TNFRSF19: variants seen among roughly 807,000 people sequenced by gnomAD.
TNFRSF19 encodes tumor necrosis factor receptor superfamily member 19.
Under a neutral mutation model 46.4 loss-of-function variants are expected in TNFRSF19, and 27 were observed. That is an observed-to-expected ratio of 0.58 (90% CI 0.43 to 0.80). TNFRSF19 has a LOEUF of 0.80. Among genes scored for constraint, TNFRSF19 ranks in the 30% least tolerant of loss-of-function variants. The pLI, the probability that TNFRSF19 is intolerant of heterozygous loss-of-function variation, is 0.00. For missense variants in TNFRSF19, 511 were observed against 530.8 expected, an observed-to-expected ratio of 0.96 and a Z score of 0.37; for synonymous variants, 204 against 205.0, an observed-to-expected ratio of 1.00 and a Z score of 0.04.
chr13:23,661,382 T>G (rs1884357191), intron 7 of TNFRSF19, among the ~76,000 whole-genome samples: 1 of 152,244 alleles, frequency 6.6e-6, no homozygotes, highest in Non-Finnish European at 1.5e-5. Context: ...TCATCCCTTT[T>G]TATGGCTGCA....
At chr13:23,625,018 C>T (rs1881902607) in intron 4 of TNFRSF19, among the ~76,000 whole-genome samples, 2 of 152,152 alleles carry the variant, frequency 1.3e-5, no homozygotes. Context: ...TCCCAAAGTG[C>T]TGGGATTACA....
intron 1 of TNFRSF19, among the ~76,000 whole-genome samples, chr13:23,572,673 A>G (rs555804148): frequency 2.0e-5 from 3 of 152,190 alleles, no homozygotes; most frequent in African/African-American, 4.8e-5. Context: ...GAATTAATTC[A>G]GTTAATTGTT....
intron 3 of TNFRSF19, 48 bp from the exon 4 acceptor site, chr13:23,615,819 A>G (rs1292367794): frequency 1.3e-6 from 2 of 1,505,038 alleles, no homozygotes; most frequent in East Asian, 4.7e-5. Flanking sequence ...TTTCCTTTTC[A>G]CGCTTGCAAA....
At chr13:23,576,322 G>T (rs1048966553) in intron 1 of TNFRSF19, among the ~76,000 whole-genome samples, 2 of 151,988 alleles carry the variant, frequency 1.3e-5, no homozygotes, top group Admixed American at 1.3e-4. Context: ...TTACAGAGAC[G>T]AGGTTTCGCC....
At chr13:23,642,380 C>A (rs1883081057) in intron 5 of TNFRSF19, among the ~76,000 whole-genome samples, 1 of 152,212 alleles carries the variant, frequency 6.6e-6, no homozygotes. Context: ...ACACTTATGG[C>A]AGTTTACTGT....
chr13:23,584,197 C>T (rs1382573430), intron 1 of TNFRSF19, among the ~76,000 whole-genome samples: 5 of 152,060 alleles, frequency 3.3e-5, no homozygotes, highest in African/African-American at 1.2e-4. Flanking sequence ...ACACTGAACC[C>T]GATTTGTAGC....
intron 5 of TNFRSF19, 132 bp downstream of exon 5, chr13:23,626,924 T>C: frequency 1.3e-6 from 1 of 748,880 alleles, no homozygotes; most frequent in Non-Finnish European, 2.1e-6. Flanking sequence ...TGTGTCCTCT[T>C]TAATCAGGCT....
rs1882050503 is a variant in TNFRSF19, at chr13:23,626,882, A to T, written c.445+90A>T. 6.4e-6 allele frequency: 8 copies of T among 1,247,974 alleles called. No individual in the cohort carries two copies. The Admixed American group carries it at 1.6e-4, about 26-fold the overall frequency. 77.3% of individuals were successfully genotyped at this position (1,247,974 alleles called of 1,614,324 possible). Reference sequence around the variant, plus strand: ...TAAACGTTTCTTCTCTGGCAGATGGAGCCAAATCTGTCTCTCCTGTGGGGT... The same window carrying T: ...TAAACGTTTCTTCTCTGGCAGATGGTGCCAAATCTGTCTCTCCTGTGGGGT... On this transcript the variant is annotated intron_variant, in intron 5 of 9. Transcript: ENST00000248484.
intron 4 of TNFRSF19, among the ~76,000 whole-genome samples, chr13:23,619,539 A>G (rs1881518113): frequency 2.0e-5 from 3 of 152,210 alleles, no homozygotes; most frequent in Admixed American, 1.3e-4. Flanking sequence ...TATATAAAGT[A>G]TAAGTCAATA....
At chr13:23,579,324 G>C (rs1310444153) in intron 1 of TNFRSF19, 1 of 152,394 alleles carries the variant, frequency 6.6e-6, no homozygotes, top group Admixed American at 6.5e-5. Context: ...TGCCCTGAGC[G>C]GGGCTCCTAG....
At chr13:23,654,518 C>G (rs1486925733) in intron 5 of TNFRSF19, among the ~76,000 whole-genome samples, 1 of 152,176 alleles carries the variant, frequency 6.6e-6, no homozygotes, top group Non-Finnish European at 1.5e-5. Context: ...TCCTGCGGAA[C>G]CAGCTGCCAT....
intron 7 of TNFRSF19, among the ~76,000 whole-genome samples, chr13:23,666,052 G>A (rs991406581): frequency 6.6e-6 from 1 of 152,172 alleles, no homozygotes; most frequent in Admixed American, 6.5e-5. Context: ...ATTAGATTCA[G>A]AAATACTGCT....
At position 23,656,927 on chromosome 13, in the gene TNFRSF19, G is replaced by C. The variant is rs1019284932; in HGVS notation, c.446-2123G>C. Among the ~76,000 whole-genome samples, 6 of 152,134 alleles carry C rather than the reference G, an allele frequency of 3.9e-5. No individual in the cohort carries two copies. In the South Asian group the frequency reaches 1.2e-3, roughly 32 times the overall value. ...TTTGTGACTCTGTCCAGTGATAGAG[G>C]CTGTTTCAGATTAGATTTAATCTCT... is the stretch of plus-strand genomic sequence containing the variant. On this transcript the variant is annotated intron_variant, in intron 5 of 9. Transcript: ENST00000248484.
chr13:23,602,461 G>A (rs1031561010), intron 3 of TNFRSF19, among the ~76,000 whole-genome samples: 3 of 152,068 alleles, frequency 2.0e-5, no homozygotes, highest in Non-Finnish European at 4.4e-5. Context: ...GATTCAGCAG[G>A]CAGAAAGTCA....
intron 5 of TNFRSF19, among the ~76,000 whole-genome samples, chr13:23,627,054 C>G (rs1882062190): frequency 1.3e-5 from 2 of 152,152 alleles, no homozygotes; most frequent in African/African-American, 4.8e-5. Flanking sequence ...TGAAGCCTTC[C>G]CTGGCACCCT....
In TNFRSF19 at chr13:23,590,237, A is replaced by G. The variant is rs763378947; in HGVS notation, c.54A>G (p.Val18=). 1.9e-6 allele frequency: 3 copies of G among 1,586,552 alleles called. No individual in the cohort carries two copies. The highest frequency in any genetic ancestry group is 1.2e-5 in the South Asian group (1 of 85,952). ...EQEKTFFTLL[V]LLGYLSCKVT... is the part of the protein sequence containing the mutation. ...AGAAAACGTTTTTCACTCTTTTAGT[A>G]TTACTAGGCTATTTGGTAAGTAAAG... The change falls in exon 2 of 10, where the codon GTA becomes GTG. Residue 18 remains valine (V), a synonymous_variant. Transcript: ENST00000248484.
intron 7 of TNFRSF19, 133 bp downstream of exon 7, chr13:23,660,623 T>A: frequency 9.5e-7 from 1 of 1,053,678 alleles, no homozygotes; most frequent in South Asian, 2.4e-5. Flanking sequence ...CTAATCTTGT[T>A]AAATTATTCT....
rs565881623 is a variant in TNFRSF19, at chr13:23,619,285, G to A, written c.359+3240G>A. On this transcript the variant is annotated intron_variant, in intron 4 of 9. Coordinates refer to ENST00000248484, the MANE Select transcript of TNFRSF19 (RefSeq NM_148957.4). ...GTGAAATAAGCCAGTCACCAATGAT[G>A]GCATATTACATGATTCTATTGAAAT... is the stretch of plus-strand genomic sequence containing the variant. Among the ~76,000 whole-genome samples, 18 of 152,258 alleles carry A rather than the reference G, an allele frequency of 1.2e-4. No individual in the cohort carries two copies. The South Asian group carries it at 3.7e-3, about 32-fold the overall frequency.
At chr13:23,639,945 A>G (rs1257337687) in intron 5 of TNFRSF19, among the ~76,000 whole-genome samples, 3 of 152,234 alleles carry the variant, frequency 2.0e-5, no homozygotes, top group Non-Finnish European at 4.4e-5. Flanking sequence ...TTGGCTTAGG[A>G]ACAAAACAAA....
Sources: gnomAD v4.1 joint callset for allele counts (sites outside exome capture counted in the v4.1 genomes callset) on GRCh38, gnomAD v4.1.1 for gene constraint, MANE v1.5 for transcripts, NCBI Gene and HGNC (gene_info 2026-07-23, HGNC 2026-07-21) for gene names.